ACTR3: variants seen among roughly 807,000 people sequenced by gnomAD.
The protein encoded by ACTR3 is actin related protein 3, also known as actin-related protein 3.
A neutral mutation model predicts 56.8 loss-of-function variants in ACTR3; 12 were observed. The ratio of observed to expected loss-of-function variants is 0.21; its 90% CI spans 0.14 to 0.34. The LOEUF (loss-of-function observed/expected upper bound fraction) is 0.34, where lower values mean the gene tolerates loss of function less well. Among genes scored for constraint, ACTR3 ranks in the 10% least tolerant of loss-of-function variants. ACTR3 has a pLI of 1.00. For synonymous variants in ACTR3, 162 were observed against 167.4 expected (o/e 0.97, Z 0.25); for missense variants, 282 against 512.5 (o/e 0.55, Z 4.34).
intron 1 of ACTR3, among the ~76,000 whole-genome samples, chr2:113,902,797 G>C (rs1285266846): frequency 6.6e-6 from 1 of 152,080 alleles, no homozygotes; most frequent in African/African-American, 2.4e-5. Context: ...ATGGGGTTTC[G>C]CCGTGTTGGC....
chr2:113,938,772 TC>T (rs1455856978), intron 6 of ACTR3, among the ~76,000 whole-genome samples: 3 of 152,110 alleles, frequency 2.0e-5, no homozygotes, highest in African/African-American at 7.2e-5. Flanking sequence ...TCTTCCCAGC[TC>T]CCTGTTGGTT....
At chr2:113,934,198 GTT>G (rs781377267) in intron 5 of ACTR3, 79 bp from the exon 6 acceptor site, 172 of 621,300 alleles carry the variant, frequency 2.8e-4, no homozygotes, top group East Asian at 4.0e-4. Context: ...CAGGGAACTA[GTT>G]TTTTTTTTTT....
intron 6 of ACTR3, among the ~76,000 whole-genome samples, chr2:113,936,938 T>C (rs1393322471): frequency 2.0e-5 from 3 of 152,180 alleles, no homozygotes; most frequent in East Asian, 1.9e-4. Context: ...ACACCACTTA[T>C]ATTGGATTAG....
chr2:113,900,982 CTACTT>C (rs1222872019), intron 1 of ACTR3, among the ~76,000 whole-genome samples: 1 of 152,200 alleles, frequency 6.6e-6, no homozygotes, highest in Non-Finnish European at 1.5e-5. Flanking sequence ...TTGTCTTACT[CTACTT>C]GACAAATTTC....
chr2:113,919,299 C>G (rs1252199586), intron 3 of ACTR3, among the ~76,000 whole-genome samples: 1 of 152,072 alleles, frequency 6.6e-6, no homozygotes, highest in Non-Finnish European at 1.5e-5. Flanking sequence ...AAAATGTGGT[C>G]TACTCATTGG....
intron 3 of ACTR3, among the ~76,000 whole-genome samples, chr2:113,926,801 A>G (rs1198813498): frequency 6.6e-6 from 1 of 152,228 alleles, no homozygotes; most frequent in Admixed American, 6.5e-5. Context: ...CCACATCCAA[A>G]TCATAGTAGG....
chr2:113,907,090 A>G lies in ACTR3; in HGVS notation c.45-6082A>G, dbSNP rs1029286337. Among the ~76,000 whole-genome samples the G allele has an allele frequency of 6.6e-5, 10 of 152,288 alleles. 1 individual carries two copies. Among genetic ancestry groups the G allele is most frequent in the South Asian group, 4.1e-4 (2 of 4,830 alleles). On this transcript the variant is annotated intron_variant, in intron 1 of 11. Transcript: ENST00000263238. ...AAGTCTGAATTCTGTACTAAATGCAATTATCCAGATGGCAAATTTAAGAAA... is the reference window on the plus strand; with the variant it reads ...AAGTCTGAATTCTGTACTAAATGCAGTTATCCAGATGGCAAATTTAAGAAA...
At chr2:113,915,028 A>G (rs1263251364) in intron 2 of ACTR3, among the ~76,000 whole-genome samples, 1 of 152,190 alleles carries the variant, frequency 6.6e-6, no homozygotes, top group Non-Finnish European at 1.5e-5. Context: ...GAATTCGGTG[A>G]TACATGTTGG....
At chr2:113,926,425 C>T (rs575315033) in intron 3 of ACTR3, among the ~76,000 whole-genome samples, 1 of 152,262 alleles carries the variant, frequency 6.6e-6, no homozygotes, top group Admixed American at 6.5e-5. Flanking sequence ...GGTGCTGTCT[C>T]AGTTCATTTT....
At chr2:113,895,059 T>TCCCCCCCCCC (rs61667793) in intron 1 of ACTR3, among the ~76,000 whole-genome samples, 76 of 111,344 alleles carry the variant, frequency 6.8e-4, no homozygotes, top group African/African-American at 9.9e-4. Context: ...TGGTTTAGGT[T>TCCCCCCCCCC]CCCCCCCCCC....
chr2:113,899,263 T>C (rs13011381), intron 1 of ACTR3, among the ~76,000 whole-genome samples: 10,099 of 152,236 alleles, frequency 0.066, 356 homozygotes, highest in African/African-American at 0.079. Context: ...GGCATACATA[T>C]TTCTGAAGCT....
At position 113,957,484 on chromosome 2, in the gene ACTR3, G is replaced by T. The variant is rs957191820; in HGVS notation, c.*29G>T. ...TGGCTTCATAGTTATTGGGGTTAGGGAGGTGGGGAAGAGATAATCTTTCTG... is the reference window on the plus strand; with the variant it reads ...TGGCTTCATAGTTATTGGGGTTAGGTAGGTGGGGAAGAGATAATCTTTCTG... On this transcript the variant is annotated 3_prime_UTR_variant, in exon 12 of 12. Coordinates refer to ENST00000263238, the MANE Select transcript of ACTR3 (RefSeq NM_005721.5). 6.4e-7 allele frequency: 1 copy of T among 1,570,454 alleles called. No individual in the cohort carries two copies. The highest frequency in any genetic ancestry group is 1.4e-5 in the African/African-American group (1 of 74,068).
chr2:113,938,932 TAG>T (rs1679875620), intron 6 of ACTR3, among the ~76,000 whole-genome samples: 1 of 152,066 alleles, frequency 6.6e-6, no homozygotes, highest in South Asian at 2.1e-4. Flanking sequence ...GGCAGTAGGA[TAG>T]AGTGTAACAT....
chr2:113,914,700 T>TA (rs1355523757), intron 2 of ACTR3, among the ~76,000 whole-genome samples: 1 of 152,144 alleles, frequency 6.6e-6, no homozygotes, highest in African/African-American at 2.4e-5. Flanking sequence ...TTAGGGTTTT[T>TA]ATCTACTCCT....
At chr2:113,930,196 A>G (rs1679694634) in intron 4 of ACTR3, among the ~76,000 whole-genome samples, 1 of 151,366 alleles carries the variant, frequency 6.6e-6, no homozygotes, top group South Asian at 2.1e-4. Flanking sequence ...CTTGGTTTTT[A>G]GTTTACTTAA....
chr2:113,958,008 C>CA lies in ACTR3; in HGVS notation c.*557dup, dbSNP rs1680254603. 6.6e-6 allele frequency: 1 copy of CA among 152,338 alleles called. No homozygotes were observed. The highest frequency in any genetic ancestry group is 1.5e-5 in the Non-Finnish European group (1 of 68,110). 9.4% of individuals were successfully genotyped at this position (152,338 alleles called of 1,614,324 possible). On this transcript the variant is annotated 3_prime_UTR_variant, in exon 12 of 12. Transcript: ENST00000263238. ...TCCATCCCTCTCCACCCCTTCCCCC[C>CA]AAAAGGTTTTCTTTGCAAGTGCTTT...
At chr2:113,942,998 A>T (rs1027701240) in intron 8 of ACTR3, among the ~76,000 whole-genome samples, 3 of 152,212 alleles carry the variant, frequency 2.0e-5, no homozygotes, top group Non-Finnish European at 4.4e-5. Flanking sequence ...TCACTCAGCA[A>T]ATGTTAAATG....
intron 11 of ACTR3, 88 bp downstream of exon 11, chr2:113,955,794 C>G (rs1270866864): frequency 3.7e-6 from 4 of 1,069,546 alleles, no homozygotes; most frequent in Non-Finnish European, 4.1e-6. Context: ...GTCACCCAGG[C>G]TGGAGTGCAA....
intron 1 of ACTR3, among the ~76,000 whole-genome samples, chr2:113,911,975 C>T (rs1009591939): frequency 2.6e-5 from 4 of 152,002 alleles, no homozygotes; most frequent in African/African-American, 4.8e-5. Flanking sequence ...GTCCTGGTCC[C>T]GTAATCCACC....
Sources: allele counts gnomAD v4.1 joint callset (sites outside exome capture counted in the v4.1 genomes callset), GRCh38; gene constraint gnomAD v4.1.1; transcripts MANE v1.5; gene names NCBI Gene and HGNC (gene_info 2026-07-23, HGNC 2026-07-21).